The following MRTFB variants were observed in gnomAD, a reference collection of about 807,000 sequenced individuals.
MRTFB encodes myocardin-related transcription factor B.
In MRTFB, 29 loss-of-function variants were observed where a neutral mutation model predicts 104.2. The observed-to-expected ratio is 0.28, with a 90% CI of 0.21 to 0.38. The LOEUF is 0.38. MRTFB is among the 10% of genes least tolerant of loss of function. The pLI, the probability that MRTFB is intolerant of heterozygous loss-of-function variation, is 1.00. For missense variants in MRTFB, 1,270 were observed against 1,341.6 expected (o/e 0.95, Z 0.83); for synonymous variants, 535 against 519.5 (o/e 1.03, Z -0.41).
chr16:14,004,835 C>T, the MRTFB span, among the ~76,000 whole-genome samples: 25 of 152,268 alleles, frequency 1.6e-4, no homozygotes, highest in African/African-American at 5.5e-4. Context: ...TCTCCAGAAG[C>T]TCCTCTGGGC....
At chr16:14,195,613 A>G (rs1482755617) in intron 3 of MRTFB, 1 of 962,060 alleles carries the variant, frequency 1.0e-6, no homozygotes, top group African/African-American at 1.8e-5. Context: ...ACAATATTCC[A>G]CTGTTTCCTG....
rs1465498378 is a variant in MRTFB, at chr16:14,261,197, A to T, written c.3053A>T (p.Asp1018Val). Residue 1018 changes from aspartate to valine, a missense_variant, in exon 17 of 17, where the codon GAT becomes GTT. Transcript: ENST00000571589. ...TCTCTGATCGAGGACCTCCAGAATG[A>T]TCTGCTGAGTCACTCAGGTATGCTG... The part of the protein sequence containing the change: ...PFSLIEDLQN[D>V]LLSHSGMLDH... 6.2e-7 allele frequency: 1 copy of T among 1,614,202 alleles called. No individual in the cohort carries two copies.
the MRTFB span, among the ~76,000 whole-genome samples, chr16:14,030,891 G>A: frequency 6.6e-6 from 1 of 152,164 alleles, no homozygotes; most frequent in African/African-American, 2.4e-5. Context: ...AATCCTGCAG[G>A]TTAGGAACAG....
At chr16:14,089,535 G>A (rs1448633398) in intron 2 of MRTFB, among the ~76,000 whole-genome samples, 1 of 152,180 alleles carries the variant, frequency 6.6e-6, no homozygotes, top group Admixed American at 6.6e-5. Context: ...TCAGTTGATG[G>A]ACATTGTGGT....
chr16:14,084,278 C>T lies in MRTFB; in HGVS notation c.-64+4924C>T, dbSNP rs78672409. On this transcript the variant is annotated intron_variant, in intron 2 of 16. Coordinates refer to ENST00000571589, the MANE Select transcript of MRTFB (RefSeq NM_001308142.2). ...TAAGACTAGGCACGGTATCTCACAACTGTGATCCCAGCACTTTGGGAGGCT... is the reference window on the plus strand; with the variant it reads ...TAAGACTAGGCACGGTATCTCACAATTGTGATCCCAGCACTTTGGGAGGCT... Among the ~76,000 whole-genome samples, 798 of 152,338 alleles carry T rather than the reference C, an allele frequency of 5.2e-3. 8 individuals carry two copies. The highest frequency in any genetic ancestry group is 0.018 in the African/African-American group (743 of 41,580).
intron 14 of MRTFB, 73 bp from the exon 15 acceptor site, chr16:14,252,292 G>A: frequency 3.2e-6 from 5 of 1,561,160 alleles, no homozygotes; most frequent in Non-Finnish European, 4.3e-6. Flanking sequence ...GAGAACAGCA[G>A]AGCCGAGTCT....
At chr16:14,065,569 C>T in the MRTFB span, among the ~76,000 whole-genome samples, 1 of 151,990 alleles carries the variant, frequency 6.6e-6, no homozygotes, top group Non-Finnish European at 1.5e-5. Flanking sequence ...TGCTTTTGCC[C>T]ACTCAGTATG....
chr16:14,054,016 T>C, the MRTFB span, among the ~76,000 whole-genome samples: 2 of 152,130 alleles, frequency 1.3e-5, no homozygotes, highest in African/African-American at 2.4e-5. Flanking sequence ...TTTCAGTCAT[T>C]TGAGAAACCT....
At chr16:14,207,091 G>GT (rs549429691) in intron 3 of MRTFB, among the ~76,000 whole-genome samples, 224 of 152,230 alleles carry the variant, frequency 1.5e-3, no homozygotes, top group African/African-American at 4.8e-3. Context: ...ACCCCATGCA[G>GT]TACCCAGACA....
At chr16:14,198,249 T>G (rs2040526284) in intron 3 of MRTFB, among the ~76,000 whole-genome samples, 1 of 152,256 alleles carries the variant, frequency 6.6e-6, no homozygotes, top group Non-Finnish European at 1.5e-5. Flanking sequence ...TTTGGGCAGT[T>G]TCTGCCTCTT....
intron 1 of MRTFB, among the ~76,000 whole-genome samples, chr16:14,072,819 T>C (rs1276695403): frequency 2.0e-5 from 3 of 152,214 alleles, no homozygotes; most frequent in African/African-American, 7.2e-5. Context: ...ACAGACTGTC[T>C]CAATAAATAC....
the MRTFB span, among the ~76,000 whole-genome samples, chr16:14,063,629 G>C: frequency 6.6e-6 from 1 of 152,182 alleles, no homozygotes; most frequent in Non-Finnish European, 1.5e-5. Flanking sequence ...TCCTGCATGA[G>C]TTCACTTAGG....
Position 14,140,780 on chromosome 16 carries a change from T to C in MRTFB, c.154+20T>C, listed in dbSNP as rs976180541. 2.5e-6 allele frequency: 4 copies of C among 1,613,634 alleles called. No homozygotes were observed. The highest frequency in any genetic ancestry group is 2.7e-5 in the African/African-American group (2 of 74,908). ...AAAATGGTGAGTTCAGCATGTGCAATGGGATCTTTGATTTAAAGATTTCCC... is the reference window on the plus strand; with the variant it reads ...AAAATGGTGAGTTCAGCATGTGCAACGGGATCTTTGATTTAAAGATTTCCC... On this transcript the variant is annotated intron_variant, in intron 3 of 16. Coordinates refer to ENST00000571589, the MANE Select transcript of MRTFB (RefSeq NM_001308142.2).
At chr16:14,144,033 T>G (rs1328572783) in intron 3 of MRTFB, 1 of 152,236 alleles carries the variant, frequency 6.6e-6, no homozygotes, top group Admixed American at 6.5e-5. Flanking sequence ...CCCAACACTT[T>G]GCATTTTAAG....
At chr16:13,996,893 G>A in the MRTFB span, among the ~76,000 whole-genome samples, 1 of 152,206 alleles carries the variant, frequency 6.6e-6, no homozygotes, top group Non-Finnish European at 1.5e-5. Context: ...ACTCTCACCT[G>A]ATTGTCTTGA....
chr16:14,021,459 G>A, the MRTFB span, among the ~76,000 whole-genome samples: 1 of 152,134 alleles, frequency 6.6e-6, no homozygotes, highest in Admixed American at 6.5e-5. Flanking sequence ...TGGGGAACAG[G>A]TGGTGTTTGG....
chr16:14,261,027 A>G lies in MRTFB; in HGVS notation c.2883A>G (p.Gln961=), dbSNP rs535902773. The G allele has an allele frequency of 8.1e-6, 13 of 1,614,030 alleles. No homozygotes were observed. Among genetic ancestry groups the G allele is most frequent in the African/African-American group, 1.3e-5 (1 of 74,900 alleles). ...TVVSRPPPQV[Q]MAPPVSLEPM... ...TGTCCCGGCCACCACCCCAAGTCCA[A>G]ATGGCACCACCTGTATCTTTAGAAC... The change falls in exon 17 of 17, where the codon CAA becomes CAG. Residue 961 remains glutamine (Q), a synonymous_variant. Coordinates refer to ENST00000571589, the MANE Select transcript of MRTFB (RefSeq NM_001308142.2).
intron 2 of MRTFB, among the ~76,000 whole-genome samples, chr16:14,088,182 G>A (rs2034839811): frequency 6.6e-6 from 1 of 152,188 alleles, no homozygotes; most frequent in East Asian, 1.9e-4. Context: ...TCTCAAATGA[G>A]TGTGTTCTTT....
intron 2 of MRTFB, among the ~76,000 whole-genome samples, chr16:14,132,290 C>A (rs1356081123): frequency 6.6e-6 from 1 of 151,470 alleles, no homozygotes; most frequent in Non-Finnish European, 1.5e-5. Flanking sequence ...TAAGAAATGA[C>A]TGCTGTGCTG....
Sources: allele counts gnomAD v4.1 joint callset (sites outside exome capture counted in the v4.1 genomes callset), GRCh38; gene constraint gnomAD v4.1.1; transcripts MANE v1.5; gene names NCBI Gene and HGNC (gene_info 2026-07-23, HGNC 2026-07-21).